Variants in GALNT17 observed in about 807,000 individuals in gnomAD.
GALNT17 encodes the protein UDP-GalNAc:polypeptide N-acetylgalactosaminyltransferase-like 3.
In GALNT17, 29 loss-of-function variants were observed where a neutral mutation model predicts 63.7. The ratio of observed to expected loss-of-function variants is 0.46; its 90% CI spans 0.34 to 0.62. The LOEUF (loss-of-function observed/expected upper bound fraction) is 0.62, where lower values mean the gene tolerates loss of function less well. Ranked by LOEUF, GALNT17 falls within the 20% of genes least tolerant of loss-of-function variation. The probability of loss-of-function intolerance (pLI) is 0.01; values close to 1 mark genes in which losing one functional copy is unlikely to be tolerated. For missense variants in GALNT17, 603 were observed against 799.6 expected (o/e 0.75, Z 2.97); for synonymous variants, 305 against 318.3 (o/e 0.96, Z 0.45).
chr7:71,135,581 T>C (rs1489506431), intron 1 of GALNT17, among the ~76,000 whole-genome samples: 3 of 152,222 alleles, frequency 2.0e-5, no homozygotes, highest in African/African-American at 7.2e-5. Context: ...ATCTTCAGCA[T>C]GTGCATCAGA....
chr7:71,550,666 G>A (rs1789061751), intron 5 of GALNT17, among the ~76,000 whole-genome samples: 1 of 152,120 alleles, frequency 6.6e-6, no homozygotes, highest in South Asian at 2.1e-4. Flanking sequence ...TTACAGACGT[G>A]AGCCACCATG....
chr7:71,700,761 C>G (rs1791619655), intron 9 of GALNT17, among the ~76,000 whole-genome samples: 1 of 152,314 alleles, frequency 6.6e-6, no homozygotes, highest in African/African-American at 2.4e-5. Flanking sequence ...TGACCTTCCT[C>G]TTTTGGATGG....
chr7:71,263,424 G>C (rs923551333), intron 1 of GALNT17, among the ~76,000 whole-genome samples: 1 of 152,182 alleles, frequency 6.6e-6, no homozygotes, highest in African/African-American at 2.4e-5. Context: ...CCAGCCTCCA[G>C]AACGATGAGA....
At chr7:71,549,832 C>T (rs979788312) in intron 5 of GALNT17, among the ~76,000 whole-genome samples, 7 of 151,702 alleles carry the variant, frequency 4.6e-5, no homozygotes, top group South Asian at 2.1e-4. Context: ...GAGGAGGATC[C>T]GAGGGAAAGG....
At chr7:71,642,765 G>A (rs903998388) in intron 6 of GALNT17, among the ~76,000 whole-genome samples, 4 of 152,026 alleles carry the variant, frequency 2.6e-5, no homozygotes, top group African/African-American at 9.7e-5. Flanking sequence ...AACCCAGCAG[G>A]CAGAGGTTGC....
chr7:71,527,751 G>A (rs904963490), intron 5 of GALNT17, among the ~76,000 whole-genome samples: 3 of 152,200 alleles, frequency 2.0e-5, no homozygotes, highest in South Asian at 4.1e-4. Context: ...ACACTGGCAC[G>A]TGTGTGTATG....
chr7:71,255,257 C>T (rs1178825869), intron 1 of GALNT17, among the ~76,000 whole-genome samples: 1 of 152,152 alleles, frequency 6.6e-6, no homozygotes. Flanking sequence ...GTGGGTCTTT[C>T]TCGTGCTGTT....
intron 2 of GALNT17, among the ~76,000 whole-genome samples, chr7:71,369,462 C>A (rs993519457): frequency 2.0e-5 from 3 of 152,138 alleles, no homozygotes; most frequent in Non-Finnish European, 2.9e-5. Flanking sequence ...CGTAGGAGAT[C>A]TTCCCTGTGG....
At chr7:71,465,991 C>T (rs1235745592) in intron 5 of GALNT17, among the ~76,000 whole-genome samples, 1 of 152,140 alleles carries the variant, frequency 6.6e-6, no homozygotes, top group East Asian at 1.9e-4. Context: ...GTCAGACTCT[C>T]AATCTCTCCT....
chr7:71,694,783 C>G (rs1370256925), intron 9 of GALNT17, among the ~76,000 whole-genome samples: 1 of 152,178 alleles, frequency 6.6e-6, no homozygotes, highest in African/African-American at 2.4e-5. Flanking sequence ...AGTAGCAGAG[C>G]CTGGATTTCT....
chr7:71,135,984 G>A (rs1713617952), intron 1 of GALNT17, among the ~76,000 whole-genome samples: 1 of 152,184 alleles, frequency 6.6e-6, no homozygotes, highest in Admixed American at 6.5e-5. Flanking sequence ...CTAGGCAGAT[G>A]TTACCATCCT....
intron 5 of GALNT17, among the ~76,000 whole-genome samples, chr7:71,499,376 C>T (rs1432209925): frequency 6.6e-6 from 1 of 152,168 alleles, no homozygotes; most frequent in African/African-American, 2.4e-5. Context: ...GCCTGGGCAA[C>T]ATAGCGAGAC....
At chr7:71,350,842 C>T (rs1792175875) in intron 2 of GALNT17, among the ~76,000 whole-genome samples, 1 of 152,148 alleles carries the variant, frequency 6.6e-6, no homozygotes, top group African/African-American at 2.4e-5. Context: ...AAAACAGCAG[C>T]TCAAAACTCT....
chr7:71,507,576 C>G (rs1350725977), intron 5 of GALNT17, among the ~76,000 whole-genome samples: 2 of 152,178 alleles, frequency 1.3e-5, no homozygotes, highest in African/African-American at 4.8e-5. Context: ...ATTTTTTTGG[C>G]CAGCCTTGGC....
At chr7:71,596,034 TTTG>T (rs771984205) in intron 6 of GALNT17, among the ~76,000 whole-genome samples, 7 of 152,136 alleles carry the variant, frequency 4.6e-5, no homozygotes, top group African/African-American at 7.2e-5. Flanking sequence ...TGATTTGTTT[TTTG>T]TTGTTGTTGT....
chr7:71,563,613 G>A (rs10272667), intron 5 of GALNT17, among the ~76,000 whole-genome samples: 18,009 of 151,934 alleles, frequency 0.12, 1,663 homozygotes, highest in African/African-American at 0.26. Flanking sequence ...TTTTGAGACA[G>A]GGTCTCACTC....
At chr7:71,650,568 A>T (rs1790739711) in intron 6 of GALNT17, among the ~76,000 whole-genome samples, 1 of 152,194 alleles carries the variant, frequency 6.6e-6, no homozygotes. Context: ...ATGTGGACAG[A>T]CCCGTCCTCT....
At chr7:71,543,714 T>A (rs942971243) in intron 5 of GALNT17, among the ~76,000 whole-genome samples, 7 of 150,004 alleles carry the variant, frequency 4.7e-5, no homozygotes, top group African/African-American at 1.5e-4. Flanking sequence ...TTTTTTTTTT[T>A]CTTATCTGCT....
At chr7:71,239,178 G>A (rs7800257) in intron 1 of GALNT17, among the ~76,000 whole-genome samples, 10,401 of 152,214 alleles carry the variant, frequency 0.068, 1,151 homozygotes, top group African/African-American at 0.24. Flanking sequence ...ATATTGTTTG[G>A]GCTGGGCACA....
Sources: gnomAD v4.1 joint callset for allele counts (sites outside exome capture counted in the v4.1 genomes callset) on GRCh38, gnomAD v4.1.1 for gene constraint, MANE v1.5 for transcripts, NCBI Gene and HGNC (gene_info 2026-07-23, HGNC 2026-07-21) for gene names.